NRXN3: variants seen among roughly 807,000 people sequenced by gnomAD.
NRXN3 encodes neurexin III.
A neutral mutation model predicts 137.6 loss-of-function variants in NRXN3; 32 were observed. The ratio of observed to expected loss-of-function variants is 0.23; its 90% CI spans 0.18 to 0.31. The LOEUF is 0.31. Ranked by LOEUF, NRXN3 falls within the 10% of genes least tolerant of loss-of-function variation. The pLI, the probability that NRXN3 is intolerant of heterozygous loss-of-function variation, is 1.00. For missense variants in NRXN3, 1,574 were observed against 2,062.5 expected (o/e 0.76, Z 4.59); for synonymous variants, 798 against 784.5 (o/e 1.02, Z -0.29).
chr14:78,175,930 A>C (rs185996055), intron 1 of NRXN3, among the ~76,000 whole-genome samples: 1 of 152,210 alleles, frequency 6.6e-6, no homozygotes, highest in African/African-American at 2.4e-5. Context: ...TTTAAGATGG[A>C]TCTCGTCTCT....
At chr14:79,514,332 T>C (rs1345651774) in intron 16 of NRXN3, among the ~76,000 whole-genome samples, 2 of 152,114 alleles carry the variant, frequency 1.3e-5, no homozygotes, top group Non-Finnish European at 2.9e-5. Flanking sequence ...AGCCTCTCTC[T>C]AAAAGATTAT....
At chr14:78,652,440 A>G (rs1268462454) in intron 6 of NRXN3, among the ~76,000 whole-genome samples, 2 of 152,236 alleles carry the variant, frequency 1.3e-5, no homozygotes, top group Non-Finnish European at 2.9e-5. Context: ...GAGCTCTTTC[A>G]GAACACTGTG....
intron 15 of NRXN3, among the ~76,000 whole-genome samples, chr14:79,376,245 T>C (rs1435167691): frequency 5.5e-5 from 6 of 109,202 alleles, no homozygotes; most frequent in African/African-American, 1.0e-4. Flanking sequence ...TATATATATA[T>C]ATATATATAT....
intron 10 of NRXN3, among the ~76,000 whole-genome samples, chr14:78,824,094 C>T (rs994132947): frequency 1.5e-5 from 2 of 136,578 alleles, no homozygotes; most frequent in Non-Finnish European, 3.1e-5. Flanking sequence ...AGAAATGGGT[C>T]ACCTGCTTCT....
chr14:79,388,464 GC>G (rs2094719350), intron 15 of NRXN3, among the ~76,000 whole-genome samples: 1 of 152,054 alleles, frequency 6.6e-6, no homozygotes, highest in Admixed American at 6.6e-5. Flanking sequence ...AGGAGTCCAG[GC>G]CCTTATGGGA....
At chr14:78,911,986 T>C (rs543450997) in intron 10 of NRXN3, among the ~76,000 whole-genome samples, 3 of 151,932 alleles carry the variant, frequency 2.0e-5, no homozygotes, top group Non-Finnish European at 2.9e-5. Context: ...TTGTTACATA[T>C]GTATACATGT....
At chr14:79,240,361 C>T (rs898992602) in intron 15 of NRXN3, among the ~76,000 whole-genome samples, 7 of 152,114 alleles carry the variant, frequency 4.6e-5, no homozygotes, top group Non-Finnish European at 1.0e-4. Context: ...CTCCCTGTTA[C>T]CTTGCAAAGG....
intron 10 of NRXN3, among the ~76,000 whole-genome samples, chr14:78,892,645 C>G (rs2099162367): frequency 6.6e-6 from 1 of 150,746 alleles, no homozygotes; most frequent in Non-Finnish European, 1.5e-5. Flanking sequence ...TTTTCTTCCT[C>G]ATTAAAATCA....
At chr14:79,248,811 T>C (rs2075555605) in intron 15 of NRXN3, 2 of 152,226 alleles carry the variant, frequency 1.3e-5, no homozygotes, top group South Asian at 4.1e-4. Context: ...ATAGGCTTCC[T>C]GCCTTAAGAG....
intron 16 of NRXN3, among the ~76,000 whole-genome samples, chr14:79,515,845 T>C (rs917803785): frequency 1.3e-5 from 2 of 152,166 alleles, no homozygotes; most frequent in East Asian, 1.9e-4. Flanking sequence ...TAGCAGTGTT[T>C]AGCGTGGCAT....
chr14:79,114,185 G>A (rs879394591), intron 15 of NRXN3, among the ~76,000 whole-genome samples: 2 of 152,216 alleles, frequency 1.3e-5, no homozygotes, highest in Non-Finnish European at 2.9e-5. Context: ...AGGAAGAGAA[G>A]AGGGTCCACT....
rs186623317 is a variant in NRXN3, at chr14:79,194,692, A to G, written c.3262+206551A>G. Reference sequence around the variant, plus strand: ...TGGATGTAATTGCTTTTCATTGTCAATACTGAAAGAAGGCACACAAGAGAC... The same window carrying G: ...TGGATGTAATTGCTTTTCATTGTCAGTACTGAAAGAAGGCACACAAGAGAC... On this transcript the variant is annotated intron_variant, in intron 15 of 20. Coordinates refer to ENST00000335750, the MANE Select transcript of NRXN3 (RefSeq NM_001330195.2). 2.3e-3 allele frequency among the ~76,000 whole-genome samples: 355 copies of G among 152,308 alleles called. 1 individual carries two copies. Among genetic ancestry groups the G allele is most frequent in the Non-Finnish European group, 3.5e-3 (238 of 68,028 alleles).
At chr14:79,100,234 T>A (rs187755907) in intron 15 of NRXN3, among the ~76,000 whole-genome samples, 1 of 152,338 alleles carries the variant, frequency 6.6e-6, no homozygotes, top group African/African-American at 2.4e-5. Flanking sequence ...ACAGTCTGTA[T>A]GTATCTGAAA....
At chr14:78,649,192 T>G in intron 5 of NRXN3, 2 of 1,043,466 alleles carry the variant, frequency 1.9e-6, no homozygotes, top group Non-Finnish European at 2.7e-6. Context: ...CGACTCATCT[T>G]TGTTTTTAGT....
chr14:78,432,238 G>A (rs937872143), intron 4 of NRXN3, among the ~76,000 whole-genome samples: 6 of 151,810 alleles, frequency 4.0e-5, no homozygotes, highest in Non-Finnish European at 8.8e-5. Context: ...CAGCTCACAT[G>A]CCAAGGCTGC....
chr14:79,702,498 A>G (rs2098758281), intron 19 of NRXN3, among the ~76,000 whole-genome samples: 1 of 152,106 alleles, frequency 6.6e-6, no homozygotes, highest in South Asian at 2.1e-4. Flanking sequence ...GGTGAGAGGA[A>G]CATATTCCTG....
chr14:78,866,100 T>C (rs1437052510), intron 10 of NRXN3, among the ~76,000 whole-genome samples: 2 of 152,170 alleles, frequency 1.3e-5, no homozygotes, highest in African/African-American at 4.8e-5. Context: ...TAAAGCATAT[T>C]TGAATATACA....
At chr14:78,537,384 T>C (rs1355810814) in intron 4 of NRXN3, among the ~76,000 whole-genome samples, 1 of 152,250 alleles carries the variant, frequency 6.6e-6, no homozygotes, top group Non-Finnish European at 1.5e-5. Context: ...TACATGTGTC[T>C]ATTAATTGGC....
chr14:79,271,606 C>T (rs1229091313), intron 15 of NRXN3, among the ~76,000 whole-genome samples: 1 of 151,074 alleles, frequency 6.6e-6, no homozygotes, highest in South Asian at 2.1e-4. Flanking sequence ...CTTCTCCTGC[C>T]GTGCCTTGCC....
Sources: allele counts gnomAD v4.1 joint callset (sites outside exome capture counted in the v4.1 genomes callset), GRCh38; gene constraint gnomAD v4.1.1; transcripts MANE v1.5; gene names NCBI Gene and HGNC (gene_info 2026-07-23, HGNC 2026-07-21).